The following KIAA1217 variants were observed in gnomAD, a reference collection of about 807,000 sequenced individuals.
The protein encoded by KIAA1217 is sickle tail protein homolog.
In KIAA1217, 88 loss-of-function variants were observed where a neutral mutation model predicts 163.9. The observed-to-expected ratio is 0.54, with a 90% confidence interval of 0.45 to 0.64. KIAA1217 has a LOEUF of 0.64. KIAA1217 is among the 30% of genes least tolerant of loss of function. The pLI is 0.00. For missense variants in KIAA1217, 2,372 were observed against 2,475.0 expected (o/e 0.96, Z 0.88); for synonymous variants, 903 against 923.1 (o/e 0.98, Z 0.39).
intron 1 of KIAA1217, among the ~76,000 whole-genome samples, chr10:23,788,836 G>A (rs1588807807): frequency 1.3e-5 from 2 of 152,118 alleles, no homozygotes; most frequent in African/African-American, 2.4e-5. Flanking sequence ...AAACTGAAAC[G>A]CTCAATGGCA....
At chr10:24,451,328 G>T (rs1459314662) in intron 5 of KIAA1217, among the ~76,000 whole-genome samples, 2 of 152,210 alleles carry the variant, frequency 1.3e-5, no homozygotes, top group African/African-American at 4.8e-5. Flanking sequence ...AGAGCTCTCA[G>T]GAGGGGGACA....
chr10:24,322,893 A>G (rs1397257750), intron 2 of KIAA1217, among the ~76,000 whole-genome samples: 2 of 152,184 alleles, frequency 1.3e-5, no homozygotes, highest in African/African-American at 2.4e-5. Flanking sequence ...TAGAAGTTTG[A>G]TAGAGTGATT....
chr10:23,950,487 C>T (rs1229982639), intron 1 of KIAA1217, among the ~76,000 whole-genome samples: 7 of 110,234 alleles, frequency 6.4e-5, no homozygotes, highest in South Asian at 2.4e-4. Flanking sequence ...GACAGGGATA[C>T]GGGAGGGGAA....
intron 2 of KIAA1217, among the ~76,000 whole-genome samples, chr10:24,370,197 G>A (rs7918359): frequency 0.16 from 23,315 of 149,970 alleles, 2,051 homozygotes; most frequent in South Asian, 0.29. Context: ...CCCGGGAGGC[G>A]GAGCCTGCAG....
chr10:23,893,626 T>C (rs1255792102), intron 1 of KIAA1217, among the ~76,000 whole-genome samples: 2 of 152,062 alleles, frequency 1.3e-5, no homozygotes, highest in Non-Finnish European at 2.9e-5. Flanking sequence ...CTTGTGGGCA[T>C]TGAGTGCTAT....
chr10:24,401,286 A>G (rs1197352634), intron 3 of KIAA1217, among the ~76,000 whole-genome samples: 1 of 152,084 alleles, frequency 6.6e-6, no homozygotes, highest in African/African-American at 2.4e-5. Context: ...AGTATTTACC[A>G]TTCACAGACT....
rs76819640 is a variant in KIAA1217 at position 24,419,814 on chromosome 10, A to G, written c.554-13181A>G. Among the ~76,000 whole-genome samples the G allele has an allele frequency of 1.8e-3, 277 of 152,240 alleles. 6 individuals carry two copies. The East Asian group carries it at 0.048, about 26-fold the overall frequency. The stretch of plus-strand genomic sequence containing the variant: ...TGGGCTTCCACTATGCTCACAATGT[A>G]TATTATTGTTTTGTGTGTTATAAAG... On this transcript the variant is annotated intron_variant, in intron 3 of 20. Coordinates refer to ENST00000376454, the MANE Select transcript of KIAA1217 (RefSeq NM_019590.5).
At chr10:24,322,906 A>T (rs950224939) in intron 2 of KIAA1217, among the ~76,000 whole-genome samples, 1 of 152,182 alleles carries the variant, frequency 6.6e-6, no homozygotes, top group Non-Finnish European at 1.5e-5. Flanking sequence ...GAGTGATTTG[A>T]TAATGTAATT....
At chr10:24,490,840 C>T (rs1177814910) in intron 6 of KIAA1217, among the ~76,000 whole-genome samples, 2 of 152,196 alleles carry the variant, frequency 1.3e-5, no homozygotes, top group African/African-American at 4.8e-5. Flanking sequence ...TGTCTCTTTC[C>T]TGGTGGCCTT....
chr10:23,745,093 A>G (rs1839323996), intron 1 of KIAA1217, among the ~76,000 whole-genome samples: 1 of 152,228 alleles, frequency 6.6e-6, no homozygotes, highest in Non-Finnish European at 1.5e-5. Context: ...TAAAAAGTTA[A>G]CCATCACAGC....
intron 1 of KIAA1217, among the ~76,000 whole-genome samples, chr10:23,938,462 G>A (rs963714737): frequency 3.3e-5 from 5 of 150,964 alleles, no homozygotes; most frequent in African/African-American, 1.2e-4. Context: ...TTCTGCATCC[G>A]TGGTTTCAAC....
At chr10:23,700,941 T>C (rs1439710793) in intron 1 of KIAA1217, among the ~76,000 whole-genome samples, 1 of 152,178 alleles carries the variant, frequency 6.6e-6, no homozygotes, top group Non-Finnish European at 1.5e-5. Context: ...GTTTTGCTCA[T>C]TTCTGAATCC....
intron 2 of KIAA1217, among the ~76,000 whole-genome samples, chr10:24,151,127 T>A (rs140837437): frequency 3.9e-4 from 59 of 152,168 alleles, no homozygotes; most frequent in African/African-American, 1.4e-3. Context: ...AGGAGGCGCA[T>A]CTGAGCCAAT....
intron 1 of KIAA1217, among the ~76,000 whole-genome samples, chr10:23,789,168 T>A (rs951736059): frequency 6.6e-6 from 1 of 152,192 alleles, no homozygotes; most frequent in African/African-American, 2.4e-5. Context: ...ATTAAGGTTT[T>A]TTTGTAGTTT....
chr10:23,715,930 A>C (rs1837539637), intron 1 of KIAA1217, among the ~76,000 whole-genome samples: 1 of 152,184 alleles, frequency 6.6e-6, no homozygotes. Context: ...TTTAAAGGGA[A>C]ACACATTGCA....
intron 3 of KIAA1217, among the ~76,000 whole-genome samples, chr10:24,383,543 A>G (rs2053602498): frequency 6.6e-6 from 1 of 152,188 alleles, no homozygotes; most frequent in Admixed American, 6.5e-5. Context: ...CATTTTACTC[A>G]GCATCCTTTG....
At chr10:24,453,545 G>A (rs1461589031) in intron 5 of KIAA1217, among the ~76,000 whole-genome samples, 1 of 152,184 alleles carries the variant, frequency 6.6e-6, no homozygotes, top group African/African-American at 2.4e-5. Flanking sequence ...TTCAAATTAT[G>A]AGATACTTTG....
chr10:23,834,765 A>G (rs963491588), intron 1 of KIAA1217, among the ~76,000 whole-genome samples: 1 of 152,046 alleles, frequency 6.6e-6, no homozygotes, highest in African/African-American at 2.4e-5. Context: ...ATCAAGGACA[A>G]CTCCAATAAT....
At chr10:24,103,829 A>G (rs562766011) in intron 2 of KIAA1217, among the ~76,000 whole-genome samples, 4 of 152,354 alleles carry the variant, frequency 2.6e-5, no homozygotes, top group African/African-American at 9.6e-5. Flanking sequence ...ACTTTCAAGC[A>G]ACAGTAATCA....
Sources: gnomAD v4.1 joint callset for allele counts (sites outside exome capture counted in the v4.1 genomes callset) on GRCh38, gnomAD v4.1.1 for gene constraint, MANE v1.5 for transcripts, NCBI Gene and HGNC (gene_info 2026-07-23, HGNC 2026-07-21) for gene names.